CDKAL1: variants seen among roughly 807,000 people sequenced by gnomAD.
CDKAL1 encodes the protein CDKAL1 threonylcarbamoyladenosine tRNA methylthiotransferase, also known as threonylcarbamoyladenosine tRNA methylthiotransferase.
In CDKAL1, 32 loss-of-function variants were observed where a neutral mutation model predicts 68.2. That is an observed-to-expected ratio of 0.47 (90% CI 0.35 to 0.63). The LOEUF is 0.63. Among genes scored for constraint, CDKAL1 ranks in the 30% least tolerant of loss-of-function variants. The pLI, the probability that CDKAL1 is intolerant of heterozygous loss-of-function variation, is 0.00. For missense variants in CDKAL1, 606 were observed against 696.7 expected (o/e 0.87, Z 1.47); for synonymous variants, 234 against 244.3 (o/e 0.96, Z 0.39).
At chr6:20,630,714 C>A (rs1010425011) in intron 4 of CDKAL1, among the ~76,000 whole-genome samples, 9 of 152,144 alleles carry the variant, frequency 5.9e-5, no homozygotes, top group Non-Finnish European at 1.3e-4. Flanking sequence ...TGGCAAATAG[C>A]TAGCATGGAA....
At chr6:20,696,867 G>A (rs1021657342) in intron 5 of CDKAL1, among the ~76,000 whole-genome samples, 1 of 152,026 alleles carries the variant, frequency 6.6e-6, no homozygotes, top group African/African-American at 2.4e-5. Flanking sequence ...AGAATGTTTT[G>A]TATGACGTGT....
At chr6:21,147,029 T>C (rs1288064441) in intron 13 of CDKAL1, among the ~76,000 whole-genome samples, 1 of 152,148 alleles carries the variant, frequency 6.6e-6, no homozygotes, top group Admixed American at 6.5e-5. Flanking sequence ...ATAATGTTTA[T>C]GGACGCCACG....
At chr6:21,155,591 C>T (rs1317049935) in intron 13 of CDKAL1, among the ~76,000 whole-genome samples, 3 of 152,086 alleles carry the variant, frequency 2.0e-5, no homozygotes, top group Admixed American at 6.5e-5. Context: ...GAGCAGGCAC[C>T]GTGTCTCCTT....
intron 13 of CDKAL1, among the ~76,000 whole-genome samples, chr6:21,117,070 C>G (rs1258052746): frequency 6.6e-6 from 1 of 152,116 alleles, no homozygotes; most frequent in African/African-American, 2.4e-5. Context: ...CTCTTTCTCT[C>G]TTGACGATGT....
At chr6:20,863,338 A>G (rs114327497) in intron 9 of CDKAL1, among the ~76,000 whole-genome samples, 1,726 of 152,254 alleles carry the variant, frequency 0.011, 29 homozygotes, top group African/African-American at 0.039. Context: ...TTTTCTTCAT[A>G]CATCATCAAT....
intron 12 of CDKAL1, among the ~76,000 whole-genome samples, chr6:21,089,479 GA>G (rs958664718): frequency 6.7e-6 from 1 of 149,742 alleles, no homozygotes; most frequent in African/African-American, 2.5e-5. Flanking sequence ...CCTGTCTCTA[GA>G]AAAAAAAACA....
At chr6:20,890,021 T>C (rs1345300991) in intron 9 of CDKAL1, among the ~76,000 whole-genome samples, 2 of 152,152 alleles carry the variant, frequency 1.3e-5, no homozygotes, top group African/African-American at 2.4e-5. Context: ...CCCAAAGTGC[T>C]GAGATCACAT....
At chr6:20,721,885 A>G (rs1772391394) in intron 5 of CDKAL1, among the ~76,000 whole-genome samples, 1 of 151,842 alleles carries the variant, frequency 6.6e-6, no homozygotes, top group Non-Finnish European at 1.5e-5. Flanking sequence ...GGCTTGTGCC[A>G]CCACACCTGG....
At chr6:20,879,351 G>C (rs1211085624) in intron 9 of CDKAL1, among the ~76,000 whole-genome samples, 7 of 152,210 alleles carry the variant, frequency 4.6e-5, no homozygotes, top group Non-Finnish European at 1.0e-4. Context: ...AGGAGGAGTA[G>C]AGTACACCTG....
intron 12 of CDKAL1, among the ~76,000 whole-genome samples, chr6:21,069,534 A>T (rs1771640997): frequency 6.6e-6 from 1 of 151,986 alleles, no homozygotes; most frequent in Admixed American, 6.6e-5. Context: ...TTGATAAAAT[A>T]TTTCTGTTGT....
At chr6:20,947,200 T>C (rs943342344) in intron 9 of CDKAL1, among the ~76,000 whole-genome samples, 4 of 152,134 alleles carry the variant, frequency 2.6e-5, no homozygotes, top group South Asian at 2.1e-4. Flanking sequence ...TAATAGAAAA[T>C]AGAAAACTCT....
At chr6:20,693,199 C>CTCTCTCTG (rs1491305102) in intron 5 of CDKAL1, among the ~76,000 whole-genome samples, 2 of 149,312 alleles carry the variant, frequency 1.3e-5, no homozygotes, top group African/African-American at 2.5e-5. Flanking sequence ...AGGATCTCAG[C>CTCTCTCTG]TCTCTCTGTG....
At chr6:20,592,912 A>C (rs1263134997) in intron 4 of CDKAL1, among the ~76,000 whole-genome samples, 1 of 151,970 alleles carries the variant, frequency 6.6e-6, no homozygotes, top group African/African-American at 2.4e-5. Flanking sequence ...CCTTTTCTGC[A>C]TCTATTGAGA....
At chr6:21,034,572 G>A in intron 11 of CDKAL1, among the ~76,000 whole-genome samples, 1 of 152,168 alleles carries the variant, frequency 6.6e-6, no homozygotes, top group East Asian at 1.9e-4. Flanking sequence ...GTTTTCTAAA[G>A]CACACATGTA....
At chr6:20,772,229 T>C (rs1009684194) in intron 7 of CDKAL1, among the ~76,000 whole-genome samples, 57 of 152,214 alleles carry the variant, frequency 3.7e-4, no homozygotes, top group African/African-American at 1.3e-3. Flanking sequence ...GCTCATAGCT[T>C]TATTGCTGTA....
intron 10 of CDKAL1, among the ~76,000 whole-genome samples, chr6:20,980,912 T>C (rs1394295005): frequency 6.6e-6 from 1 of 152,228 alleles, no homozygotes; most frequent in Non-Finnish European, 1.5e-5. Context: ...CTTTGCCCAT[T>C]TGAAGACTCA....
In CDKAL1 at chr6:20,548,666, A is replaced by G. The variant is rs1399638757; in HGVS notation, c.247A>G (p.Met83Val). The change falls in exon 4 of 16, where the codon ATG becomes GTG. Residue 83 changes from methionine to valine, a missense_variant. Met to Val is a conservative substitution (Grantham distance 21, BLOSUM62 1). Transcript: ENST00000274695. ...CSHNNSDGEY[M>V]AGQLAAYGYK... Reference sequence around the variant, plus strand: ...TCATAATAATTCAGATGGAGAATATATGGCTGGACAGCTAGCTGCTTATGG... The same window carrying G: ...TCATAATAATTCAGATGGAGAATATGTGGCTGGACAGCTAGCTGCTTATGG... The G allele has an allele frequency of 2.5e-6, 4 of 1,592,130 alleles. No individual in the cohort carries two copies. Among genetic ancestry groups the G allele is most frequent in the African/African-American group, 1.3e-5 (1 of 74,288 alleles).
chr6:21,152,928 CTT>C (rs1422837911), intron 13 of CDKAL1, among the ~76,000 whole-genome samples: 2 of 152,170 alleles, frequency 1.3e-5, no homozygotes. Context: ...CCATTCGACT[CTT>C]AGAGTACCAG....
At chr6:21,189,360 T>C (rs1778145089) in intron 13 of CDKAL1, among the ~76,000 whole-genome samples, 1 of 152,232 alleles carries the variant, frequency 6.6e-6, no homozygotes, top group Non-Finnish European at 1.5e-5. Context: ...TGGCAATTAA[T>C]AGATAAGCAT....
Sources: allele counts gnomAD v4.1 joint callset (sites outside exome capture counted in the v4.1 genomes callset), GRCh38; gene constraint gnomAD v4.1.1; transcripts MANE v1.5; gene names NCBI Gene and HGNC (gene_info 2026-07-23, HGNC 2026-07-21).